Variants in PARP16 observed in about 807,000 individuals in gnomAD.
PARP16 encodes poly(ADP-ribose) polymerase family member 16, also known as protein mono-ADP-ribosyltransferase PARP16.
Under a neutral mutation model 35.0 loss-of-function variants are expected in PARP16, and 31 were observed. The ratio of observed to expected loss-of-function variants is 0.88; its 90% CI spans 0.66 to 1.19. The LOEUF (loss-of-function observed/expected upper bound fraction) is 1.19. PARP16 is among the 50% of genes most tolerant of loss of function. PARP16 has a pLI of 0.00. For missense variants in PARP16, 424 were observed against 411.2 expected (o/e 1.03, Z -0.27); for synonymous variants, 162 against 169.5 (o/e 0.96, Z 0.34).
At chr15:65,240,323 A>ACT in intron 3 of PARP16, among the ~76,000 whole-genome samples, 2 of 126,126 alleles carry the variant, frequency 1.6e-5, no homozygotes, top group South Asian at 5.3e-4. Context: ...GGGGGGGGCT[A>ACT]GTGTGTGTGT....
At chr15:65,262,124 T>C (rs1034398507) in intron 4 of PARP16, among the ~76,000 whole-genome samples, 1 of 151,212 alleles carries the variant, frequency 6.6e-6, no homozygotes, top group Non-Finnish European at 1.5e-5. Context: ...AAGCCAGATC[T>C]TTTTTCTTTC....
intron 1 of PARP16, among the ~76,000 whole-genome samples, chr15:65,275,479 T>C (rs973795063): frequency 6.6e-6 from 1 of 152,110 alleles, no homozygotes; most frequent in African/African-American, 2.4e-5. Flanking sequence ...CCGGTGGAGA[T>C]TAATCAAGTT....
chr15:65,265,323 G>GT (rs1471248988), intron 3 of PARP16, among the ~76,000 whole-genome samples: 2 of 152,200 alleles, frequency 1.3e-5, no homozygotes, highest in Admixed American at 1.3e-4. Context: ...TACATGAACT[G>GT]TTTTAATTCT....
rs1020699821 is a variant in PARP16, at chr15:65,286,744, A to G, written c.-318T>C. 6.8e-5 allele frequency: 23 copies of G among 337,396 alleles called. No individual in the cohort carries two copies. The highest frequency in any genetic ancestry group is 1.2e-4 in the Non-Finnish European group (22 of 184,828). 20.9% of individuals were successfully genotyped at this position (337,396 alleles called of 1,614,324 possible). A position where few individuals can be genotyped will look rare whatever the true frequency, so the allele number is the denominator to read the frequency against. ...GGGTTCCCGGCCTAGGGGAAGGGCT[A>G]TGACAATGGAATGACAACCGCGGGA... On this transcript the variant is annotated 5_prime_UTR_variant, in exon 1 of 6. Transcript: ENST00000649807.
At chr15:65,234,760 A>C (rs8025296) in exon 4 of PARP16, 110,225 of 152,190 alleles carry the variant, frequency 0.72, 40,989 homozygotes, top group East Asian at 1. Context: ...CTGGCTGTAA[A>C]ACCTACATGT....
intron 3 of PARP16, among the ~76,000 whole-genome samples, chr15:65,237,585 G>C (rs2088920038): frequency 6.6e-6 from 1 of 151,986 alleles, no homozygotes; most frequent in Non-Finnish European, 1.5e-5. Context: ...CCACAGAGAG[G>C]GAGATTGGAG....
At chr15:65,236,138 C>T (rs575409773) in intron 3 of PARP16, among the ~76,000 whole-genome samples, 219 of 152,182 alleles carry the variant, frequency 1.4e-3, no homozygotes, top group Non-Finnish European at 2.2e-3. Flanking sequence ...GGATTACAGG[C>T]GTGAGCCACT....
chr15:65,249,485 C>G (rs936282655), intron 2 of PARP16, among the ~76,000 whole-genome samples: 4 of 152,234 alleles, frequency 2.6e-5, no homozygotes, highest in Non-Finnish European at 4.4e-5. Flanking sequence ...CTCGTTCAAC[C>G]TGGAGACAGA....
At chr15:65,239,917 A>T (rs1331197528) in intron 3 of PARP16, among the ~76,000 whole-genome samples, 1 of 141,596 alleles carries the variant, frequency 7.1e-6, no homozygotes, top group Non-Finnish European at 1.5e-5. Context: ...CGGCCTCCCA[A>T]AGTTTTCGGA....
At chr15:65,238,715 C>A (rs906928963) in intron 3 of PARP16, among the ~76,000 whole-genome samples, 2 of 152,206 alleles carry the variant, frequency 1.3e-5, no homozygotes, top group Non-Finnish European at 2.9e-5. Context: ...CAAATTAGAT[C>A]AGGTTGCAGT....
intron 2 of PARP16, among the ~76,000 whole-genome samples, chr15:65,251,097 T>C (rs1302950010): frequency 2.6e-5 from 4 of 152,102 alleles, no homozygotes; most frequent in Non-Finnish European, 2.9e-5. Flanking sequence ...TTGGCCAGGC[T>C]GGTCTCAAAC....
chr15:65,239,424 TAAAAAAAA>T (rs758350761), intron 3 of PARP16, among the ~76,000 whole-genome samples: 909 of 6,914 alleles, frequency 0.13, 1 homozygote, highest in Non-Finnish European at 0.17. Context: ...AGACTTTGCC[TAAAAAAAA>T]AAAAAAAAAA....
At chr15:65,264,877 T>C (rs2089840735) in intron 3 of PARP16, among the ~76,000 whole-genome samples, 1 of 152,160 alleles carries the variant, frequency 6.6e-6, no homozygotes, top group Admixed American at 6.5e-5. Context: ...ACCAAAGGAT[T>C]TTTGTAAGAT....
chr15:65,235,668 G>T (rs966113091), intron 3 of PARP16, among the ~76,000 whole-genome samples: 9 of 150,706 alleles, frequency 6.0e-5, no homozygotes, highest in Non-Finnish European at 7.4e-5. Context: ...AATTAGCCGG[G>T]CATGGTGGTA....
chr15:65,248,721 C>T (rs986096196), intron 2 of PARP16, among the ~76,000 whole-genome samples: 2 of 152,208 alleles, frequency 1.3e-5, no homozygotes, highest in Non-Finnish European at 2.9e-5. Flanking sequence ...CTGCCTCCTT[C>T]CCCCTCCTGT....
At chr15:65,259,602 G>A in intron 5 of PARP16, 60 bp from the exon 6 acceptor site, 8 of 1,506,034 alleles carry the variant, frequency 5.3e-6, no homozygotes, top group South Asian at 1.1e-5. Context: ...TTTTTTAAGT[G>A]TGTACAACAA....
Position 65,258,819 on chromosome 15 carries a change from G to C in PARP16, c.*588C>G, listed in dbSNP as rs555610507. 3.3e-5 allele frequency: 5 copies of C among 152,582 alleles called. No individual in the cohort carries two copies. Among genetic ancestry groups the C allele is most frequent in the Non-Finnish European group, 5.9e-5 (4 of 68,022 alleles). 9.5% of individuals were successfully genotyped at this position (152,582 alleles called of 1,614,324 possible). On this transcript the variant is annotated 3_prime_UTR_variant, in exon 6 of 6. Transcript: ENST00000649807. Reference sequence around the variant, plus strand: ...TTTCTCATCCATGGTTTTTTGGGGAGGGGGGCAAGTACAGCTATAGGAGAA... The same window carrying C: ...TTTCTCATCCATGGTTTTTTGGGGACGGGGGCAAGTACAGCTATAGGAGAA...
At chr15:65,249,643 T>C (rs185722718) in intron 2 of PARP16, among the ~76,000 whole-genome samples, 1 of 151,826 alleles carries the variant, frequency 6.6e-6, no homozygotes, top group African/African-American at 2.4e-5. Context: ...GGTGACTGTT[T>C]GTTCTCTGAT....
At chr15:65,257,714 G>A (rs2089559150), downstream of PARP16, among the ~76,000 whole-genome samples, 1 of 151,418 alleles carries the variant, frequency 6.6e-6, no homozygotes, top group Non-Finnish European at 1.5e-5. Flanking sequence ...TGTTACATGT[G>A]TCACCTGAGT....
Sources: gnomAD v4.1 joint callset for allele counts (sites outside exome capture counted in the v4.1 genomes callset) on GRCh38, gnomAD v4.1.1 for gene constraint, MANE v1.5 for transcripts, NCBI Gene and HGNC (gene_info 2026-07-23, HGNC 2026-07-21) for gene names.